Variants in KCNT2 observed in about 807,000 individuals in gnomAD.
KCNT2 encodes potassium channel subfamily T member 2.
Under a neutral mutation model 153.8 loss-of-function variants are expected in KCNT2, and 67 were observed. The ratio of observed to expected loss-of-function variants is 0.44; its 90% CI spans 0.36 to 0.53. KCNT2 has a LOEUF of 0.53. Ranked by LOEUF, KCNT2 falls within the 20% of genes least tolerant of loss-of-function variation. The pLI, the probability that KCNT2 is intolerant of heterozygous loss-of-function variation, is 0.00. For synonymous variants in KCNT2, 500 were observed against 458.8 expected (o/e 1.09, Z -1.15); for missense variants, 975 against 1,354.8 (o/e 0.72, Z 4.40).
intron 13 of KCNT2, among the ~76,000 whole-genome samples, chr1:196,382,953 A>C (rs181926020): frequency 1.3e-5 from 2 of 152,290 alleles, no homozygotes; most frequent in East Asian, 3.9e-4. Flanking sequence ...ATCAGCGTAC[A>C]TGGAATTTTG....
chr1:196,384,219 G>T (rs1436435343), intron 13 of KCNT2, among the ~76,000 whole-genome samples: 1 of 152,032 alleles, frequency 6.6e-6, no homozygotes, highest in Non-Finnish European at 1.5e-5. Flanking sequence ...AACTTCAATT[G>T]AAGTGACTCA....
At chr1:196,548,740 C>A (rs955627679) in intron 1 of KCNT2, among the ~76,000 whole-genome samples, 1 of 151,900 alleles carries the variant, frequency 6.6e-6, no homozygotes, top group Non-Finnish European at 1.5e-5. Flanking sequence ...CAATTGCAAA[C>A]ACTTGGAACC....
intron 25 of KCNT2, among the ~76,000 whole-genome samples, chr1:196,259,923 A>C (rs1332950476): frequency 5.9e-5 from 9 of 151,964 alleles, no homozygotes; most frequent in African/African-American, 2.2e-4. Context: ...ATAAAATTTT[A>C]ACTCTATTCT....
intron 19 of KCNT2, among the ~76,000 whole-genome samples, chr1:196,323,964 T>C (rs913367002): frequency 3.6e-5 from 5 of 137,452 alleles, no homozygotes; most frequent in Non-Finnish European, 8.0e-5. Flanking sequence ...ATCTAATTGT[T>C]AAAAAAAAAA....
intron 1 of KCNT2, among the ~76,000 whole-genome samples, chr1:196,552,118 C>A (rs976477726): frequency 1.3e-5 from 2 of 151,298 alleles, no homozygotes; most frequent in Admixed American, 6.6e-5. Context: ...AAAATTCCAA[C>A]CCCTTTTCTT....
intron 3 of KCNT2, among the ~76,000 whole-genome samples, chr1:196,487,409 A>AGTGT (rs56943556): frequency 0.013 from 1,935 of 146,350 alleles, 29 homozygotes; most frequent in African/African-American, 0.035. Flanking sequence ...CATGTTATGG[A>AGTGT]GTGTGTGTGT....
chr1:196,247,536 G>T (rs1028882381), intron 26 of KCNT2, among the ~76,000 whole-genome samples: 2 of 152,132 alleles, frequency 1.3e-5, no homozygotes, highest in Non-Finnish European at 2.9e-5. Flanking sequence ...TCACAGTTCC[G>T]CATGGCTGGG....
intron 1 of KCNT2, among the ~76,000 whole-genome samples, chr1:196,569,588 A>G (rs1023127780): frequency 6.6e-6 from 1 of 152,206 alleles, no homozygotes; most frequent in Admixed American, 6.5e-5. Context: ...AGATTTCTTC[A>G]GGATCATTTG....
At chr1:196,282,459 T>G in intron 23 of KCNT2, 103 bp from the exon 24 acceptor site, 1 of 572,414 alleles carries the variant, frequency 1.7e-6, no homozygotes, top group Admixed American at 3.1e-5. Flanking sequence ...TTCTAAAAGA[T>G]TATTTCTCAT....
At chr1:196,276,746 T>TA (rs1323556534) in intron 25 of KCNT2, among the ~76,000 whole-genome samples, 1 of 152,058 alleles carries the variant, frequency 6.6e-6, no homozygotes, top group African/African-American at 2.4e-5. Context: ...TTTGACTGGA[T>TA]AAAAAAATCT....
chr1:196,360,145 T>C (rs764316655), intron 14 of KCNT2, among the ~76,000 whole-genome samples: 20 of 152,074 alleles, frequency 1.3e-4, no homozygotes, highest in Non-Finnish European at 2.9e-4. Flanking sequence ...CCTTTCCATA[T>C]AGATTTTTAA....
chr1:196,497,727 A>G (rs1278614551), intron 1 of KCNT2, among the ~76,000 whole-genome samples: 3 of 152,188 alleles, frequency 2.0e-5, no homozygotes, highest in Admixed American at 2.0e-4. Context: ...TATCAAGTTA[A>G]TAGTATATTG....
intron 1 of KCNT2, among the ~76,000 whole-genome samples, chr1:196,555,795 A>G (rs1050800121): frequency 6.6e-6 from 1 of 151,336 alleles, no homozygotes; most frequent in Non-Finnish European, 1.5e-5. Flanking sequence ...TACTGGCATA[A>G]AAACAGACAC....
intron 13 of KCNT2, among the ~76,000 whole-genome samples, chr1:196,388,350 A>G (rs1212998460): frequency 1.3e-5 from 2 of 151,770 alleles, no homozygotes; most frequent in Non-Finnish European, 1.5e-5. Context: ...GGATATTCTG[A>G]CATGAATCTT....
chr1:196,278,375 T>C (rs374820577), intron 25 of KCNT2, among the ~76,000 whole-genome samples: 24 of 152,326 alleles, frequency 1.6e-4, no homozygotes, highest in East Asian at 1.2e-3. Flanking sequence ...AATAACAATA[T>C]GTGTGTCAGA....
intron 13 of KCNT2, among the ~76,000 whole-genome samples, chr1:196,382,172 C>T (rs1572240305): frequency 6.6e-6 from 1 of 151,926 alleles, no homozygotes; most frequent in East Asian, 1.9e-4. Context: ...GAGCGCGGCT[C>T]ACTGCAAGCT....
chr1:196,386,938 C>T (rs1670041765), intron 13 of KCNT2, among the ~76,000 whole-genome samples: 1 of 151,872 alleles, frequency 6.6e-6, no homozygotes, highest in African/African-American at 2.4e-5. Context: ...ATATATATTT[C>T]ACTAACAGTA....
intron 21 of KCNT2, among the ~76,000 whole-genome samples, chr1:196,308,006 G>A (rs1331816607): frequency 1.3e-5 from 2 of 151,860 alleles, no homozygotes; most frequent in Non-Finnish European, 2.9e-5. Context: ...TCCATCATCT[G>A]GGGAAATAGA....
chr1:196,520,206 C>T (rs564622256), intron 1 of KCNT2, among the ~76,000 whole-genome samples: 2 of 152,082 alleles, frequency 1.3e-5, no homozygotes, highest in South Asian at 4.1e-4. Flanking sequence ...AGATAAAAAC[C>T]ACATGATCAT....
Sources: gnomAD v4.1 joint callset for allele counts (sites outside exome capture counted in the v4.1 genomes callset) on GRCh38, gnomAD v4.1.1 for gene constraint, MANE v1.5 for transcripts, NCBI Gene and HGNC (gene_info 2026-07-23, HGNC 2026-07-21) for gene names.